Variants in LRSAM1 observed in about 807,000 individuals in gnomAD.
LRSAM1 encodes leucine rich repeat and sterile alpha motif containing 1.
In LRSAM1, 96 loss-of-function variants were observed where a neutral mutation model predicts 118.1. The ratio of observed to expected loss-of-function variants is 0.81; its 90% CI spans 0.69 to 0.96. LRSAM1 has a LOEUF of 0.96. Among genes scored for constraint, LRSAM1 ranks in the 40% least tolerant of loss-of-function variants. The pLI is 0.00. For synonymous variants in LRSAM1, 322 were observed against 364.2 expected, an observed-to-expected ratio of 0.88 and a Z score of 1.32; for missense variants, 804 against 915.5, an observed-to-expected ratio of 0.88 and a Z score of 1.57.
At chr9:127,466,646 C>G (rs1834963967) in intron 9 of LRSAM1, among the ~76,000 whole-genome samples, 1 of 150,602 alleles carries the variant, frequency 6.6e-6, no homozygotes, top group South Asian at 2.1e-4. Flanking sequence ...AGCCACCACA[C>G]CCAGCCAGTG....
intron 16 of LRSAM1, among the ~76,000 whole-genome samples, chr9:127,484,285 C>CTTTTTTTTTTTTTTT (rs1301004172): frequency 7.0e-6 from 1 of 141,898 alleles, no homozygotes; most frequent in African/African-American, 2.6e-5. Context: ...TTTTTTCCTG[C>CTTTTTTTTTTTTTTT]TTCTTTATTT....
At chr9:127,471,813 C>T (rs1296152010) in intron 10 of LRSAM1, among the ~76,000 whole-genome samples, 1 of 151,848 alleles carries the variant, frequency 6.6e-6, no homozygotes, top group Non-Finnish European at 1.5e-5. Context: ...GAACAATTAG[C>T]CACCACGCCT....
At chr9:127,489,348 G>A (rs1312043768) in intron 18 of LRSAM1, 96 bp from the exon 19 acceptor site, 15 of 1,414,432 alleles carry the variant, frequency 1.1e-5, no homozygotes, top group Non-Finnish European at 1.5e-5. Context: ...CATCCATTAA[G>A]GTGCTTTGTA....
In LRSAM1 at chr9:127,487,743, A is replaced by T; in HGVS notation, c.1327A>T (p.Ile443Phe). The T allele has an allele frequency of 6.2e-7, 1 of 1,613,330 alleles. No individual in the cohort carries two copies. The highest frequency in any genetic ancestry group is 1.3e-5 in the African/African-American group (1 of 75,058). Reference protein sequence around the residue: ...SWQQMDQNKAISQILQESAMQ... With the variant: ...SWQQMDQNKAFSQILQESAMQ... ...GCAGCAAATGGATCAGAACAAAGCC[A>T]TCAGCCAGATCCTGCAGGAGGTGAG... The change falls in exon 18 of 26, where the codon ATC becomes TTC. Residue 443 changes from isoleucine to phenylalanine, a missense_variant. Ile to Phe is a conservative substitution (Grantham distance 21). Transcript: ENST00000300417.
intron 18 of LRSAM1, among the ~76,000 whole-genome samples, chr9:127,488,675 CCTCAAACTCCTGGG>C (rs1297956054): frequency 6.6e-6 from 1 of 151,632 alleles, no homozygotes; most frequent in African/African-American, 2.4e-5. Context: ...TTCACTGCAG[CCTCAAACTCCTGGG>C]CTCAAACGAT....
At position 127,467,804 on chromosome 9, in the gene LRSAM1, C is replaced by T. The variant is rs758867006; in HGVS notation, c.593C>T (p.Ala198Val). ...CGGGAGGTGTGTGGTGCCGGCACTG[C>T]GGCCATCTTGCAGTTCCTCTGCAAA... ...PPREVCGAGT[A>V]AILQFLCKES... The change falls in exon 10 of 26, where the codon GCG becomes GTG. Residue 198 changes from alanine (A) to valine (V), a missense_variant. By Grantham distance (64) the Ala-to-Val change is moderately conservative. Coordinates refer to ENST00000300417, the MANE Select transcript of LRSAM1 (RefSeq NM_001005373.4). 42 of 1,605,398 alleles carry T rather than the reference C, an allele frequency of 2.6e-5. No homozygotes were observed. Among genetic ancestry groups the T allele is most frequent in the Admixed American group, 5.1e-5 (3 of 58,984 alleles).
chr9:127,460,428 C>A (rs762299534), intron 7 of LRSAM1, among the ~76,000 whole-genome samples: 25 of 152,352 alleles, frequency 1.6e-4, no homozygotes, highest in South Asian at 8.3e-4. Context: ...CCACTGCCGG[C>A]CTGAGGCCTT....
chr9:127,469,626 A>G (rs1030703141), intron 10 of LRSAM1, among the ~76,000 whole-genome samples: 1 of 151,594 alleles, frequency 6.6e-6, no homozygotes, highest in East Asian at 1.9e-4. Context: ...AATGGAAAAA[A>G]AAAAACAAAA....
chr9:127,460,025 G>A (rs1175774961), intron 7 of LRSAM1, among the ~76,000 whole-genome samples: 2 of 150,968 alleles, frequency 1.3e-5, no homozygotes, highest in African/African-American at 4.9e-5. Flanking sequence ...TTTTGAGATA[G>A]AGTCTCGCTC....
At chr9:127,491,136 G>A (rs942373691) in intron 19 of LRSAM1, 79 bp from the exon 20 acceptor site, 4 of 1,218,414 alleles carry the variant, frequency 3.3e-6, no homozygotes, top group Non-Finnish European at 3.7e-6. Flanking sequence ...AGACCCACTT[G>A]GTCACCAGAG....
rs1330388957 is a variant in LRSAM1, at chr9:127,479,249, G to C, written c.781-134G>C. 6 of 1,315,292 alleles carry C rather than the reference G, an allele frequency of 4.6e-6. No homozygotes were observed. The East Asian group carries it at 1.2e-4, about 27-fold the overall frequency. The allele number at this position is 1,315,292 out of a possible 1,614,324, so 81.5% of individuals were successfully genotyped here. A position where few individuals can be genotyped will look rare whatever the true frequency, so the allele number is the denominator to read the frequency against. ...CTTGTTTTCTTACAGTTGGGCCCTG[G>C]AGGGGAGTGGGGGTTGCTCAGCATG... On this transcript the variant is annotated intron_variant, in intron 12 of 25. Coordinates refer to ENST00000300417, the MANE Select transcript of LRSAM1 (RefSeq NM_001005373.4).
chr9:127,456,677 C>G (rs58385996), intron 5 of LRSAM1, among the ~76,000 whole-genome samples: 1 of 151,912 alleles, frequency 6.6e-6, no homozygotes, highest in East Asian at 1.9e-4. Flanking sequence ...ATCCTGGCTA[C>G]CATGGTGAAA....
intron 7 of LRSAM1, 142 bp downstream of exon 7, chr9:127,459,213 TG>T: frequency 9.7e-6 from 7 of 723,504 alleles, no homozygotes; most frequent in African/African-American, 5.8e-5. Context: ...CTTGGCCCTT[TG>T]GGGTTTTTTT....
At chr9:127,455,547 G>A (rs762713959) in intron 4 of LRSAM1, 29 bp from the exon 5 acceptor site, 7 of 1,613,136 alleles carry the variant, frequency 4.3e-6, no homozygotes, top group Non-Finnish European at 5.1e-6. Flanking sequence ...CAGGAGGGGA[G>A]ACACTTACTC....
At chr9:127,489,368 T>G (rs1835844702) in intron 18 of LRSAM1, 76 bp from the exon 19 acceptor site, 1 of 1,521,576 alleles carries the variant, frequency 6.6e-7, no homozygotes, top group African/African-American at 1.4e-5. Flanking sequence ...ACACAGCTTT[T>G]GCTTTTCACA....
chr9:127,492,169 A>G (rs76938050), intron 20 of LRSAM1, among the ~76,000 whole-genome samples: 4,000 of 152,252 alleles, frequency 0.026, 112 homozygotes, highest in Non-Finnish European at 0.036. Flanking sequence ...CCCCTACTCC[A>G]TAAGATGGCA....
intron 9 of LRSAM1, among the ~76,000 whole-genome samples, chr9:127,467,222 G>C (rs1168443849): frequency 6.6e-6 from 1 of 152,080 alleles, no homozygotes; most frequent in Non-Finnish European, 1.5e-5. Context: ...AAGCAGAACT[G>C]GCAAAAAGTT....
At chr9:127,480,055 T>C (rs1219537101) in intron 14 of LRSAM1, 77 bp downstream of exon 14, 1 of 1,589,608 alleles carries the variant, frequency 6.3e-7, no homozygotes, top group Admixed American at 1.7e-5. Context: ...GGAGTGTGTT[T>C]CTCCCTCACT....
chr9:127,495,193 T>C (rs941579181), intron 21 of LRSAM1, 127 bp from the exon 22 acceptor site: 10 of 754,790 alleles, frequency 1.3e-5, no homozygotes, highest in Admixed American at 2.1e-5. Context: ...CCTCAGGTGA[T>C]CTGCCCACCT....
Sources: gnomAD v4.1 joint callset for allele counts (sites outside exome capture counted in the v4.1 genomes callset) on GRCh38, gnomAD v4.1.1 for gene constraint, MANE v1.5 for transcripts, NCBI Gene and HGNC (gene_info 2026-07-23, HGNC 2026-07-21) for gene names.